Variants in SSH2 observed in about 807,000 individuals in gnomAD.
SSH2 encodes the protein protein phosphatase Slingshot homolog 2.
In SSH2, 37 loss-of-function variants were observed where a neutral mutation model predicts 135.2. The ratio of observed to expected loss-of-function variants is 0.27; its 90% CI spans 0.21 to 0.36. The LOEUF (loss-of-function observed/expected upper bound fraction) is 0.36. Ranked by LOEUF, SSH2 falls within the 10% of genes least tolerant of loss-of-function variation. The pLI, the probability that SSH2 is intolerant of heterozygous loss-of-function variation, is 1.00. For synonymous variants in SSH2, 628 were observed against 646.2 expected (o/e 0.97, Z 0.43); for missense variants, 1,408 against 1,765.3 (o/e 0.80, Z 3.63).
chr17:29,834,470 ATAT>A (rs2042911028), intron 2 of SSH2, among the ~76,000 whole-genome samples: 1 of 152,048 alleles, frequency 6.6e-6, no homozygotes, highest in Admixed American at 6.5e-5. Context: ...AAATCTAAAA[ATAT>A]TATAGAACAC....
At chr17:29,919,721 T>C (rs750505247) in intron 1 of SSH2, among the ~76,000 whole-genome samples, 1 of 151,678 alleles carries the variant, frequency 6.6e-6, no homozygotes, top group Non-Finnish European at 1.5e-5. Flanking sequence ...ATACTTTCCC[T>C]ACTACTAGGT....
intron 3 of SSH2, among the ~76,000 whole-genome samples, chr17:29,737,943 A>ATT (rs1208152670): frequency 6.6e-6 from 1 of 151,572 alleles, no homozygotes; most frequent in East Asian, 1.9e-4. Flanking sequence ...TTATTTATTT[A>ATT]TATTATACTT....
At chr17:29,757,987 A>G (rs1322223484) in intron 3 of SSH2, among the ~76,000 whole-genome samples, 1 of 152,022 alleles carries the variant, frequency 6.6e-6, no homozygotes, top group African/African-American at 2.4e-5. Flanking sequence ...TCGAGACTGC[A>G]AGTGAGATGT....
intron 3 of SSH2, among the ~76,000 whole-genome samples, chr17:29,774,436 G>C (rs776700210): frequency 1.2e-4 from 19 of 152,140 alleles, no homozygotes; most frequent in Admixed American, 2.0e-4. Flanking sequence ...GGCTAATTTT[G>C]TATTTTTTAG....
chr17:29,631,393 A>T lies in SSH2; in HGVS notation c.3801T>A (p.Ser1267=). The T allele has an allele frequency of 6.2e-7, 1 of 1,614,088 alleles. No individual in the cohort carries two copies. Among genetic ancestry groups the T allele is most frequent in the Non-Finnish European group, 8.5e-7 (1 of 1,179,996 alleles). ...VVKERAKEIE[S]RVVFQAGLTK... is the part of the protein sequence containing the mutation. ...TGAGCCCTGCCTGGAAAACCACTCG[A>T]GACTCGATTTCTTTAGCACGCTCCT... The change falls in exon 16 of 16, where the codon TCT becomes TCA. Residue 1267 remains serine (S), a synonymous_variant. Coordinates refer to ENST00000540801, the MANE Select transcript of SSH2 (RefSeq NM_001282129.2).
chr17:29,645,065 A>G (rs1598709093), intron 14 of SSH2: 1 of 152,306 alleles, frequency 6.6e-6, no homozygotes, highest in Non-Finnish European at 1.5e-5. Flanking sequence ...GGAAGAGGAA[A>G]TAAATGGCAC....
At chr17:29,894,759 A>G (rs1333488554) in intron 1 of SSH2, among the ~76,000 whole-genome samples, 2 of 151,884 alleles carry the variant, frequency 1.3e-5, no homozygotes, top group Non-Finnish European at 2.9e-5. Flanking sequence ...TGGAACCACA[A>G]TCTACCTAGA....
At chr17:29,804,816 A>C (rs967168276) in intron 2 of SSH2, among the ~76,000 whole-genome samples, 1 of 147,182 alleles carries the variant, frequency 6.8e-6, no homozygotes, top group Non-Finnish European at 1.5e-5. Context: ...AGTAGCCAGG[A>C]CTATAGGTGC....
intron 3 of SSH2, among the ~76,000 whole-genome samples, chr17:29,721,778 A>ATG (rs1230487417): frequency 2.0e-5 from 3 of 152,182 alleles, no homozygotes; most frequent in African/African-American, 7.2e-5. Context: ...GTCCTTATTC[A>ATG]CCATTAAGAA....
chr17:29,838,567 A>T (rs28767020), intron 2 of SSH2, among the ~76,000 whole-genome samples: 7,496 of 152,186 alleles, frequency 0.049, 594 homozygotes, highest in African/African-American at 0.17. Flanking sequence ...CTTCCCTCTG[A>T]GGCCCATGAA....
chr17:29,874,504 A>C (rs1016308212), intron 1 of SSH2, among the ~76,000 whole-genome samples: 1 of 152,150 alleles, frequency 6.6e-6, no homozygotes, highest in Non-Finnish European at 1.5e-5. Flanking sequence ...TGCTGTTCTC[A>C]TGATAGTGAG....
intron 15 of SSH2, 43 bp from the exon 16 acceptor site, chr17:29,632,974 C>A: frequency 6.6e-7 from 1 of 1,519,654 alleles, no homozygotes; most frequent in East Asian, 2.3e-5. Context: ...AAACTGTAGT[C>A]TAATTGAAAA....
intron 1 of SSH2, among the ~76,000 whole-genome samples, chr17:29,899,601 C>T (rs1231824112): frequency 3.9e-5 from 6 of 151,948 alleles, no homozygotes; most frequent in Admixed American, 1.3e-4. Flanking sequence ...CAAGGAGAAC[C>T]ACAAACCACT....
chr17:29,671,752 G>T (rs978182598), intron 9 of SSH2, among the ~76,000 whole-genome samples, 183 bp downstream of exon 9: 2 of 152,142 alleles, frequency 1.3e-5, no homozygotes, highest in Non-Finnish European at 2.9e-5. Flanking sequence ...AGCTTCTCAG[G>T]CCTTTGCAGG....
In SSH2 at chr17:29,827,796, A is replaced by C. The variant is rs569999489; in HGVS notation, c.144+21053T>G. 5.5e-3 allele frequency among the ~76,000 whole-genome samples: 835 copies of C among 151,914 alleles called. 9 individuals carry two copies. Among genetic ancestry groups the C allele is most frequent in the African/African-American group, 0.019 (785 of 41,410 alleles). ...ATGAATGAGTACAGAAAAAAAAAAA[A>C]CCCCAGCATAGCTACAATATCTGTA... On this transcript the variant is annotated intron_variant, in intron 2 of 15. Coordinates refer to ENST00000540801, the MANE Select transcript of SSH2 (RefSeq NM_001282129.2).
chr17:29,913,993 TC>T (rs2066835626), intron 1 of SSH2, among the ~76,000 whole-genome samples: 1 of 151,924 alleles, frequency 6.6e-6, no homozygotes, highest in Non-Finnish European at 1.5e-5. Flanking sequence ...GCATCTAAAA[TC>T]CCCCAAGCAA....
chr17:29,817,609 C>G (rs2042579782), intron 2 of SSH2, among the ~76,000 whole-genome samples: 1 of 152,180 alleles, frequency 6.6e-6, no homozygotes, highest in South Asian at 2.1e-4. Flanking sequence ...CCTACATTAT[C>G]TATTAGTAAT....
intron 2 of SSH2, among the ~76,000 whole-genome samples, chr17:29,824,896 T>C (rs1166346852): frequency 2.6e-5 from 4 of 152,222 alleles, no homozygotes; most frequent in Admixed American, 2.0e-4. Context: ...GAAAAAGATA[T>C]CTTTCCATTA....
At position 29,816,233 on chromosome 17, in the gene SSH2, T is replaced by C. The variant is rs551187638; in HGVS notation, c.145-22296A>G. Among the ~76,000 whole-genome samples the C allele has an allele frequency of 2.6e-5, 4 of 152,326 alleles. No individual in the cohort carries two copies. The South Asian group carries it at 8.3e-4, about 32-fold the overall frequency. ...GGGATTATGGAAGCCAAAGAACGAA[T>C]ATAAAGTTTATTCTCAGAGCATCAA... On this transcript the variant is annotated intron_variant, in intron 2 of 15. Transcript: ENST00000540801.
Sources: allele counts gnomAD v4.1 joint callset (sites outside exome capture counted in the v4.1 genomes callset), GRCh38; gene constraint gnomAD v4.1.1; transcripts MANE v1.5; gene names NCBI Gene and HGNC (gene_info 2026-07-23, HGNC 2026-07-21).